The following EXOC5 variants were observed in gnomAD, a reference collection of about 807,000 sequenced individuals.
EXOC5 encodes the protein SEC10-like 1.
EXOC5 carries 17 observed loss-of-function variants against 90.8 expected under a neutral mutation model. That is an observed-to-expected ratio of 0.19 (90% CI 0.13 to 0.28). The LOEUF is 0.28. EXOC5 is among the 10% of genes least tolerant of loss of function. The pLI is 1.00. For missense variants in EXOC5, 569 were observed against 830.6 expected (o/e 0.69, Z 3.87); for synonymous variants, 260 against 270.0 (o/e 0.96, Z 0.36).
chr14:57,224,096 C>T (rs1490848179), intron 12 of EXOC5, among the ~76,000 whole-genome samples: 5 of 151,686 alleles, frequency 3.3e-5, no homozygotes, highest in Middle Eastern at 3.4e-3. Flanking sequence ...AAAACACCCG[C>T]ATTAGATTAG....
At chr14:57,267,045 CTTAA>C (rs1884691760) in intron 1 of EXOC5, among the ~76,000 whole-genome samples, 1 of 152,080 alleles carries the variant, frequency 6.6e-6, no homozygotes, top group South Asian at 2.1e-4. Flanking sequence ...CGGCAAATAC[CTTAA>C]TTAAAGATCT....
At chr14:57,253,574 G>A (rs1456110700) in intron 1 of EXOC5, among the ~76,000 whole-genome samples, 1 of 152,090 alleles carries the variant, frequency 6.6e-6, no homozygotes, top group Non-Finnish European at 1.5e-5. Flanking sequence ...AAAGAACAGA[G>A]CAGCAGGACT....
At chr14:57,265,844 T>C (rs1884654764) in intron 1 of EXOC5, among the ~76,000 whole-genome samples, 1 of 152,236 alleles carries the variant, frequency 6.6e-6, no homozygotes, top group Non-Finnish European at 1.5e-5. Context: ...TTTAAAACAC[T>C]GTACATGGAT....
intron 5 of EXOC5, 177 bp from the exon 6 acceptor site, chr14:57,237,543 A>C (rs998827040): frequency 2.1e-6 from 1 of 485,058 alleles, no homozygotes; most frequent in African/African-American, 2.0e-5. Context: ...TTGTAAAAAG[A>C]AAAAAGACAA....
chr14:57,256,412 T>C (rs924857033), intron 1 of EXOC5, among the ~76,000 whole-genome samples: 4 of 151,954 alleles, frequency 2.6e-5, no homozygotes, highest in Non-Finnish European at 5.9e-5. Flanking sequence ...CAATCGATAG[T>C]AGAGGTGAGA....
At chr14:57,225,739 CCCG>C (rs765128318) in intron 12 of EXOC5, among the ~76,000 whole-genome samples, 2 of 152,132 alleles carry the variant, frequency 1.3e-5, no homozygotes, top group South Asian at 2.1e-4. Flanking sequence ...CTCAGGAGGT[CCCG>C]CCAACACATG....
intron 1 of EXOC5, among the ~76,000 whole-genome samples, chr14:57,249,749 GGATGATGAT>G (rs537304902): frequency 6.6e-6 from 1 of 151,678 alleles, no homozygotes; most frequent in Non-Finnish European, 1.5e-5. Context: ...GATAAGAGTG[GGATGATGAT>G]GATGATGATG....
intron 1 of EXOC5, among the ~76,000 whole-genome samples, chr14:57,257,134 A>G (rs1412461244): frequency 6.6e-6 from 1 of 152,172 alleles, no homozygotes; most frequent in Non-Finnish European, 1.5e-5. Flanking sequence ...GCATGCATTC[A>G]TATAAGTTGC....
intron 1 of EXOC5, among the ~76,000 whole-genome samples, chr14:57,262,834 C>T (rs1424953944): frequency 6.6e-6 from 1 of 151,712 alleles, no homozygotes; most frequent in Non-Finnish European, 1.5e-5. Flanking sequence ...GAATCACCAA[C>T]CACCTACTTT....
chr14:57,227,618 T>C (rs1225064768), intron 12 of EXOC5, among the ~76,000 whole-genome samples: 1 of 152,178 alleles, frequency 6.6e-6, no homozygotes, highest in Non-Finnish European at 1.5e-5. Context: ...TTAACAACAC[T>C]TGGTCATCAG....
At chr14:57,222,865 G>C (rs1448051592) in intron 12 of EXOC5, among the ~76,000 whole-genome samples, 6 of 151,652 alleles carry the variant, frequency 4.0e-5, no homozygotes, top group Non-Finnish European at 8.8e-5. Flanking sequence ...GGGCCAAAGA[G>C]GTTTGAGAGC....
chr14:57,249,676 G>A (rs934560147), intron 1 of EXOC5, among the ~76,000 whole-genome samples: 4 of 151,924 alleles, frequency 2.6e-5, no homozygotes, highest in Non-Finnish European at 5.9e-5. Flanking sequence ...ACAGATAAAC[G>A]AGCACAAAAA....
chr14:57,239,182 C>T (rs1392737196), intron 5 of EXOC5, among the ~76,000 whole-genome samples: 1 of 152,104 alleles, frequency 6.6e-6, no homozygotes, highest in Non-Finnish European at 1.5e-5. Context: ...CGTTCATCAG[C>T]TTTTCAAAGG....
At position 57,207,302 on chromosome 14, in the gene EXOC5, C is replaced by T. The variant is rs957308123; in HGVS notation, c.*1307G>A. On this transcript the variant is annotated 3_prime_UTR_variant, in exon 18 of 18. Transcript: ENST00000621441. ...AAAGCCTATATTAAAGAAAAAATGC[C>T]AAGAGTGAATTGAATACTTAAGTTT... 7 of 152,286 alleles carry T rather than the reference C, an allele frequency of 4.6e-5. No individual in the cohort carries two copies. Among genetic ancestry groups the T allele is most frequent in the Non-Finnish European group, 1.0e-4 (7 of 67,900 alleles). 9.4% of individuals were successfully genotyped at this position (152,286 alleles called of 1,614,324 possible).
rs541595772 is a variant in EXOC5 at position 57,203,908 on chromosome 14, A to G, written c.*4701T>C. The G allele has an allele frequency of 1.3e-5, 2 of 152,746 alleles. No homozygotes were observed. Among genetic ancestry groups the G allele is most frequent in the South Asian group, 4.1e-4 (2 of 4,832 alleles). The allele number at this position is 152,746 out of a possible 1,614,324, so 9.5% of individuals were successfully genotyped here. A position where few individuals can be genotyped will look rare whatever the true frequency, so the allele number is the denominator to read the frequency against. ...GTTCTAATCCATTCCACCTGCTCAA[A>G]TATTAGTGCAAATAATTATATATTT... On this transcript the variant is annotated 3_prime_UTR_variant, in exon 18 of 18. Coordinates refer to ENST00000621441, the MANE Select transcript of EXOC5 (RefSeq NM_006544.4).
Position 57,208,333 on chromosome 14 carries a change from G to A in EXOC5, c.*276C>T, listed in dbSNP as rs1258421854. The A allele has an allele frequency of 3.5e-6, 1 of 284,792 alleles. No individual in the cohort carries two copies. Among genetic ancestry groups the A allele is most frequent in the African/African-American group, 2.2e-5 (1 of 46,344 alleles). The allele number at this position is 284,792 out of a possible 1,614,324, so 17.6% of individuals were successfully genotyped here. ...AGCAACATTTTCTAGGATAAAAACA[G>A]TGACATGTAGTTTTAGAGAATCTGA... On this transcript the variant is annotated 3_prime_UTR_variant, in exon 18 of 18. Transcript: ENST00000621441.
At chr14:57,253,389 A>T (rs1336659727) in intron 1 of EXOC5, among the ~76,000 whole-genome samples, 1 of 152,268 alleles carries the variant, frequency 6.6e-6, no homozygotes, top group African/African-American at 2.4e-5. Context: ...AAATCAAAGA[A>T]GTCACAAATA....
chr14:57,245,778 A>G (rs1288545280), intron 3 of EXOC5, among the ~76,000 whole-genome samples: 1 of 152,062 alleles, frequency 6.6e-6, no homozygotes, highest in Non-Finnish European at 1.5e-5. Context: ...CAAGGCCAGG[A>G]GCAGTAGCTC....
At chr14:57,222,589 A>G (rs1448428000) in intron 12 of EXOC5, among the ~76,000 whole-genome samples, 173 bp from the exon 13 acceptor site, 1 of 151,792 alleles carries the variant, frequency 6.6e-6, no homozygotes, top group Non-Finnish European at 1.5e-5. Flanking sequence ...ACACAATTAC[A>G]ATGCTCCATA....
Sources: gnomAD v4.1 joint callset for allele counts (sites outside exome capture counted in the v4.1 genomes callset) on GRCh38, gnomAD v4.1.1 for gene constraint, MANE v1.5 for transcripts, NCBI Gene and HGNC (gene_info 2026-07-23, HGNC 2026-07-21) for gene names.